The following ROBO1 variants were observed in gnomAD, a reference collection of about 807,000 sequenced individuals.
ROBO1 encodes roundabout guidance receptor 1.
ROBO1 carries 149 observed loss-of-function variants against 195.9 expected under a neutral mutation model. The ratio of observed to expected loss-of-function variants is 0.76; its 90% CI spans 0.67 to 0.87. ROBO1 has a LOEUF of 0.87. Ranked by LOEUF, ROBO1 falls within the 40% of genes least tolerant of loss-of-function variation. ROBO1 has a pLI of 0.00. For synonymous variants in ROBO1, 816 were observed against 733.2 expected, an observed-to-expected ratio of 1.11 and a Z score of -1.82; for missense variants, 1,933 against 2,068.3, an observed-to-expected ratio of 0.93 and a Z score of 1.27.
intron 4 of ROBO1, among the ~76,000 whole-genome samples, chr3:78,936,724 T>C (rs1190919600): frequency 6.6e-6 from 1 of 152,068 alleles, no homozygotes; most frequent in Non-Finnish European, 1.5e-5. Flanking sequence ...AACTTGAGCA[T>C]TCATGGGTAT....
At chr3:78,954,259 T>C (rs1396073616) in intron 3 of ROBO1, among the ~76,000 whole-genome samples, 2 of 152,088 alleles carry the variant, frequency 1.3e-5, no homozygotes, top group African/African-American at 4.8e-5. Flanking sequence ...CTGTTCCTTG[T>C]GGAAAACATT....
chr3:78,673,107 A>G, intron 10 of ROBO1, among the ~76,000 whole-genome samples: 1 of 152,124 alleles, frequency 6.6e-6, no homozygotes, highest in Non-Finnish European at 1.5e-5. Context: ...TATGGTAAGT[A>G]GCTACCTTAT....
intron 4 of ROBO1, among the ~76,000 whole-genome samples, chr3:78,858,426 T>A (rs331162): frequency 0.29 from 44,653 of 151,746 alleles, 6,711 homozygotes; most frequent in Non-Finnish European, 0.33. Flanking sequence ...CAGCTGCAGA[T>A]CCTTAGAAAG....
intron 2 of ROBO1, among the ~76,000 whole-genome samples, chr3:79,142,947 C>A (rs1273874120): frequency 6.6e-6 from 1 of 152,060 alleles, no homozygotes; most frequent in African/African-American, 2.4e-5. Context: ...AAAAGCAAGT[C>A]TCTGTAATCT....
At chr3:79,178,883 A>G (rs1334135561) in intron 2 of ROBO1, among the ~76,000 whole-genome samples, 1 of 152,222 alleles carries the variant, frequency 6.6e-6, no homozygotes. Flanking sequence ...GCATGCAGGC[A>G]TAGTAAGACA....
intron 29 of ROBO1, among the ~76,000 whole-genome samples, chr3:78,603,506 C>A (rs1703294787): frequency 6.6e-6 from 1 of 152,094 alleles, no homozygotes; most frequent in South Asian, 2.1e-4. Flanking sequence ...TATGCTTATA[C>A]ATAAATCTCA....
At chr3:79,363,974 G>A (rs1052970673) in intron 2 of ROBO1, among the ~76,000 whole-genome samples, 8 of 152,078 alleles carry the variant, frequency 5.3e-5, no homozygotes, top group Non-Finnish European at 1.0e-4. Context: ...GGAGGCTGAG[G>A]CGGGTGGATC....
chr3:79,713,729 C>A (rs935738267), intron 1 of ROBO1, among the ~76,000 whole-genome samples: 3 of 152,052 alleles, frequency 2.0e-5, no homozygotes, highest in Non-Finnish European at 4.4e-5. Flanking sequence ...GGTTTTAGGT[C>A]TAACATGTAA....
Position 79,021,157 on chromosome 3 carries a change from C to T in ROBO1, c.173-82230G>A, listed in dbSNP as rs1000727080. 4.6e-5 allele frequency among the ~76,000 whole-genome samples: 7 copies of T among 152,270 alleles called. 1 individual carries two copies. The highest frequency in any genetic ancestry group is 4.6e-4 in the Admixed American group (7 of 15,298). ...CAGCCTGGAGATAAGAATTCAAAGACTCCAACCAAAATCTTTTCAGCAGTA... is the reference window on the plus strand; with the variant it reads ...CAGCCTGGAGATAAGAATTCAAAGATTCCAACCAAAATCTTTTCAGCAGTA... On this transcript the variant is annotated intron_variant, in intron 3 of 30. Transcript: ENST00000464233.
At position 79,314,350 on chromosome 3, in the gene ROBO1, C is replaced by G. The variant is rs144605180; in HGVS notation, c.89-188811G>C. On this transcript the variant is annotated intron_variant, in intron 2 of 30. Coordinates refer to ENST00000464233, the MANE Select transcript of ROBO1 (RefSeq NM_002941.4). ...TCATGGGAGAGACCCGGTGGGAGGT[C>G]ATTGAATCATGTGGGAGGTTACCCT... Among the ~76,000 whole-genome samples, 318 of 152,226 alleles carry G rather than the reference C, an allele frequency of 2.1e-3. 2 individuals are homozygous for G. Among genetic ancestry groups the G allele is most frequent in the African/African-American group, 7.2e-3 (298 of 41,534 alleles).
intron 4 of ROBO1, among the ~76,000 whole-genome samples, chr3:78,875,200 C>T (rs931056353): frequency 6.6e-6 from 1 of 151,918 alleles, no homozygotes; most frequent in Non-Finnish European, 1.5e-5. Flanking sequence ...GCACTAATTT[C>T]GGACTTCTTA....
chr3:78,635,926 C>A lies in ROBO1; in HGVS notation c.3220G>T (p.Ala1074Ser). The A allele has an allele frequency of 1.2e-6, 2 of 1,613,844 alleles. No homozygotes were observed. Among genetic ancestry groups the A allele is most frequent in the East Asian group, 2.2e-5 (1 of 44,858 alleles). ...TTTGACTGGATGAGCTGAGTGGTGG[C>A]GTAAGGAGTAGGCTGCCCTGATGGA... Reference protein sequence around the residue: ...VNPSGQPTPYATTQLIQSNLS... With the variant: ...VNPSGQPTPYSTTQLIQSNLS... The change falls in exon 23 of 31, where the codon GCC becomes TCC. Residue 1074 changes from alanine to serine, a missense_variant. Ala to Ser is a moderately conservative substitution (Grantham distance 99). This residue lies in a region of ROBO1 where 1,737 missense variants were observed against 1,882.5 expected (regional missense o/e 0.92). Transcript: ENST00000464233.
chr3:79,418,090 G>C (rs1181279414), intron 2 of ROBO1, among the ~76,000 whole-genome samples: 5 of 152,062 alleles, frequency 3.3e-5, no homozygotes, highest in Non-Finnish European at 5.9e-5. Flanking sequence ...TATTCACCTA[G>C]AATGAACATC....
chr3:79,630,792 A>T (rs1560053715), intron 1 of ROBO1, among the ~76,000 whole-genome samples: 1 of 152,092 alleles, frequency 6.6e-6, no homozygotes, highest in Admixed American at 6.6e-5. Context: ...TTCATGATAC[A>T]AAATCAACAT....
At chr3:79,290,440 T>C (rs7618349) in intron 2 of ROBO1, among the ~76,000 whole-genome samples, 10,267 of 152,154 alleles carry the variant, frequency 0.067, 434 homozygotes, top group African/African-American at 0.11. Flanking sequence ...CTCTTTCATT[T>C]AATCAACATC....
chr3:79,681,151 G>A (rs147216297), intron 1 of ROBO1, among the ~76,000 whole-genome samples: 1 of 152,120 alleles, frequency 6.6e-6, no homozygotes, highest in South Asian at 2.1e-4. Context: ...CATTATGTAG[G>A]AGCTGATATT....
rs541394415 is a variant in ROBO1 at position 79,228,112 on chromosome 3, G to A, written c.89-102573C>T. ...CACAAGCCTCTCAACTAATTCATTTGTACCAAAAACTTTAGTACCACTGTA... is the reference window on the plus strand; with the variant it reads ...CACAAGCCTCTCAACTAATTCATTTATACCAAAAACTTTAGTACCACTGTA... On this transcript the variant is annotated intron_variant, in intron 2 of 30. Coordinates refer to ENST00000464233, the MANE Select transcript of ROBO1 (RefSeq NM_002941.4). Among the ~76,000 whole-genome samples the A allele has an allele frequency of 5.9e-4, 90 of 151,908 alleles. 1 individual carries two copies. Among genetic ancestry groups the A allele is most frequent in the African/African-American group, 2.1e-3 (89 of 41,438 alleles).
intron 4 of ROBO1, among the ~76,000 whole-genome samples, chr3:78,916,571 A>G (rs1409385031): frequency 2.6e-5 from 4 of 151,856 alleles, no homozygotes; most frequent in African/African-American, 9.7e-5. Context: ...AAAAAAAAAA[A>G]AAGAAAAAAA....
At chr3:79,184,472 G>T (rs1576786214) in intron 2 of ROBO1, among the ~76,000 whole-genome samples, 2 of 152,102 alleles carry the variant, frequency 1.3e-5, no homozygotes, top group Non-Finnish European at 2.9e-5. Flanking sequence ...ACAACCTAAA[G>T]CTTGTGCTTT....
Sources: allele counts gnomAD v4.1 joint callset (sites outside exome capture counted in the v4.1 genomes callset), GRCh38; gene constraint gnomAD v4.1.1; regional missense constraint gnomAD v4.1.1; transcripts MANE v1.5; gene names NCBI Gene and HGNC (gene_info 2026-07-23, HGNC 2026-07-21).